Variants in KCNH1 observed in about 807,000 individuals in gnomAD.
KCNH1 encodes the protein potassium voltage-gated channel subfamily H member 1.
KCNH1 carries 27 observed loss-of-function variants against 69.2 expected under a neutral mutation model. The observed-to-expected ratio is 0.39, with a 90% CI of 0.29 to 0.54. The LOEUF is 0.54. KCNH1 is among the 20% of genes least tolerant of loss of function. The pLI is 0.68. For missense variants in KCNH1, 798 were observed against 1,261.6 expected (o/e 0.63, Z 5.57); for synonymous variants, 456 against 487.7 (o/e 0.93, Z 0.86).
intron 1 of KCNH1, among the ~76,000 whole-genome samples, chr1:211,121,081 T>C (rs781345833): frequency 1.3e-5 from 2 of 152,144 alleles, no homozygotes; most frequent in Non-Finnish European, 2.9e-5. Context: ...CAAGAATCAA[T>C]ATCATGAAAA....
At chr1:210,894,960 T>A (rs1686832390) in intron 7 of KCNH1, among the ~76,000 whole-genome samples, 1 of 152,230 alleles carries the variant, frequency 6.6e-6, no homozygotes, top group Non-Finnish European at 1.5e-5. Context: ...ATCCACACTC[T>A]CAGTTCCATT....
chr1:210,910,957 T>C (rs1251671827), intron 7 of KCNH1, among the ~76,000 whole-genome samples: 1 of 152,238 alleles, frequency 6.6e-6, no homozygotes, highest in Non-Finnish European at 1.5e-5. Flanking sequence ...TCTGAAAGCT[T>C]ATTCCATGAA....
At chr1:210,825,803 A>G (rs1024764484) in intron 7 of KCNH1, among the ~76,000 whole-genome samples, 4 of 152,244 alleles carry the variant, frequency 2.6e-5, no homozygotes, top group African/African-American at 9.6e-5. Flanking sequence ...TCAGGGCAGA[A>G]ACTCACATGG....
chr1:210,838,261 TA>T (rs1293988720), intron 7 of KCNH1, among the ~76,000 whole-genome samples: 1 of 152,162 alleles, frequency 6.6e-6, no homozygotes, highest in Non-Finnish European at 1.5e-5. Flanking sequence ...CCCTATTTAA[TA>T]AATGGTGCTG....
chr1:210,824,617 T>C (rs957140910), intron 7 of KCNH1, among the ~76,000 whole-genome samples: 4 of 152,168 alleles, frequency 2.6e-5, no homozygotes, highest in African/African-American at 4.8e-5. Flanking sequence ...GGTTGAAGTA[T>C]ATGAAGAAAA....
At chr1:211,096,100 A>G (rs1268871660) in intron 3 of KCNH1, among the ~76,000 whole-genome samples, 1 of 147,878 alleles carries the variant, frequency 6.8e-6, no homozygotes, top group African/African-American at 2.4e-5. Context: ...GTCTCACTCT[A>G]TTGCCTAGGC....
At chr1:210,822,759 C>T (rs564104962) in intron 7 of KCNH1, among the ~76,000 whole-genome samples, 1 of 152,278 alleles carries the variant, frequency 6.6e-6, no homozygotes, top group African/African-American at 2.4e-5. Context: ...ACCTGATCCC[C>T]CTTTCAAGAC....
intron 10 of KCNH1, among the ~76,000 whole-genome samples, chr1:210,729,432 G>A (rs1313498774): frequency 3.9e-5 from 6 of 152,142 alleles, no homozygotes; most frequent in Non-Finnish European, 1.5e-5. Context: ...CCTGACATGC[G>A]GCAGAGGAAG....
chr1:210,875,246 A>G (rs958893486), intron 7 of KCNH1, among the ~76,000 whole-genome samples: 3 of 152,226 alleles, frequency 2.0e-5, no homozygotes, highest in African/African-American at 7.2e-5. Context: ...TACCTTTAAT[A>G]GTAAAATTTC....
At chr1:210,870,930 C>T (rs557366901) in intron 7 of KCNH1, among the ~76,000 whole-genome samples, 1 of 152,308 alleles carries the variant, frequency 6.6e-6, no homozygotes, top group South Asian at 2.1e-4. Context: ...GGCTCTGCCA[C>T]TTATTAGCTG....
chr1:210,856,851 GTAACCCACTATATATATA>G (rs1339523506), intron 7 of KCNH1, among the ~76,000 whole-genome samples: 2 of 79,428 alleles, frequency 2.5e-5, no homozygotes, highest in Non-Finnish European at 5.3e-5. Flanking sequence ...AAATATATAT[GTAACCCACTATATATATA>G]TAACCCACTA....
intron 5 of KCNH1, among the ~76,000 whole-genome samples, chr1:211,040,356 AG>A (rs1399669432): frequency 6.6e-6 from 1 of 152,076 alleles, no homozygotes; most frequent in African/African-American, 2.4e-5. Flanking sequence ...CATGTGTGGG[AG>A]GGGGTGCTAA....
At chr1:210,889,669 C>G (rs1024127743) in intron 7 of KCNH1, among the ~76,000 whole-genome samples, 1 of 152,096 alleles carries the variant, frequency 6.6e-6, no homozygotes, top group African/African-American at 2.4e-5. Flanking sequence ...TCATCTCAGC[C>G]CAAAATCTCC....
chr1:210,698,824 G>C (rs1681705192), intron 10 of KCNH1, among the ~76,000 whole-genome samples: 1 of 152,230 alleles, frequency 6.6e-6, no homozygotes, highest in Non-Finnish European at 1.5e-5. Flanking sequence ...ACCCAGGCTG[G>C]TCTGCCACCA....
intron 7 of KCNH1, among the ~76,000 whole-genome samples, chr1:210,910,870 C>T (rs1687214688): frequency 6.6e-6 from 1 of 152,218 alleles, no homozygotes; most frequent in Non-Finnish European, 1.5e-5. Context: ...CCATTATTCA[C>T]TGGTCAAGTA....
At chr1:211,081,549 C>A (rs1690860721) in intron 5 of KCNH1, among the ~76,000 whole-genome samples, 1 of 152,198 alleles carries the variant, frequency 6.6e-6, no homozygotes, top group South Asian at 2.1e-4. Flanking sequence ...TTCACAATAG[C>A]AAAGAACTTG....
At chr1:210,903,721 A>G (rs1341346259) in intron 7 of KCNH1, among the ~76,000 whole-genome samples, 1 of 152,170 alleles carries the variant, frequency 6.6e-6, no homozygotes, top group Admixed American at 6.5e-5. Flanking sequence ...TGTTTTCTCC[A>G]CTAAAGACCT....
At chr1:210,789,890 T>C (rs144818207) in intron 9 of KCNH1, among the ~76,000 whole-genome samples, 1 of 152,354 alleles carries the variant, frequency 6.6e-6, no homozygotes, top group East Asian at 1.9e-4. Flanking sequence ...GTATTGTGAA[T>C]GGCTATACTC....
At position 210,797,701 on chromosome 1, in the gene KCNH1, C is replaced by T. The variant is rs1386000505; in HGVS notation, c.1722G>A (p.Lys574=). 9 of 1,614,246 alleles carry T rather than the reference C, an allele frequency of 5.6e-6. No homozygotes were observed. In the South Asian group the frequency reaches 6.6e-5, roughly 12 times the overall value. The part of the protein sequence containing the change: ...RADICVHLNR[K]VFKEHPAFRL... ...GGAAGGCCGGGTGCTCCTTGAACACCTTGCGGTTCAGGTGCACGCAGATGT... is the reference window on the plus strand; with the variant it reads ...GGAAGGCCGGGTGCTCCTTGAACACTTTGCGGTTCAGGTGCACGCAGATGT... The change falls in exon 9 of 11, where the codon AAG becomes AAA. Residue 574 remains lysine, a synonymous_variant. Coordinates refer to ENST00000271751, the MANE Select transcript of KCNH1 (RefSeq NM_172362.3).
Sources: gnomAD v4.1 joint callset for allele counts (sites outside exome capture counted in the v4.1 genomes callset) on GRCh38, gnomAD v4.1.1 for gene constraint, MANE v1.5 for transcripts, NCBI Gene and HGNC (gene_info 2026-07-23, HGNC 2026-07-21) for gene names.